Variants in PHF24 observed in about 807,000 individuals in gnomAD.
The protein encoded by PHF24 is Galpha inhibitory interacting protein.
A neutral mutation model predicts 42.6 loss-of-function variants in PHF24; 25 were observed. The ratio of observed to expected loss-of-function variants is 0.59; its 90% CI spans 0.43 to 0.82. PHF24 has a LOEUF of 0.82. Ranked by LOEUF, PHF24 falls within the 40% of genes least tolerant of loss-of-function variation. The pLI, the probability that PHF24 is intolerant of heterozygous loss-of-function variation, is 0.00. For synonymous variants in PHF24, 185 were observed against 204.8 expected, an observed-to-expected ratio of 0.90 and a Z score of 0.83; for missense variants, 470 against 538.1, an observed-to-expected ratio of 0.87 and a Z score of 1.25.
the PHF24 span, among the ~76,000 whole-genome samples, chr9:34,932,386 C>T: frequency 6.6e-6 from 1 of 152,182 alleles, no homozygotes; most frequent in Non-Finnish European, 1.5e-5. Flanking sequence ...GGCAAATGGG[C>T]AGACTCGCAG....
At chr9:34,683,286 C>A in the PHF24 span, among the ~76,000 whole-genome samples, 2 of 152,256 alleles carry the variant, frequency 1.3e-5, no homozygotes, top group African/African-American at 4.8e-5. Flanking sequence ...GTCTCGAACT[C>A]CTGACCTCAG....
At chr9:34,882,654 A>G in the PHF24 span, among the ~76,000 whole-genome samples, 1 of 152,200 alleles carries the variant, frequency 6.6e-6, no homozygotes, top group Admixed American at 6.5e-5. Flanking sequence ...TCTAACTTAT[A>G]AGAGATGTGA....
chr9:34,701,962 C>A, the PHF24 span, among the ~76,000 whole-genome samples: 2 of 152,208 alleles, frequency 1.3e-5, no homozygotes. This position sits in a 1 kb window ranked among gnomAD's most constrained non-coding sequence, Gnocchi z 5.8. Flanking sequence ...GGAGGGTTCA[C>A]ATCACCTCTG....
chr9:34,767,180 G>T, the PHF24 span, among the ~76,000 whole-genome samples: 4 of 152,238 alleles, frequency 2.6e-5, no homozygotes, highest in Non-Finnish European at 4.4e-5. Flanking sequence ...GAGGCAGTCT[G>T]CCCGTTCTCA....
the PHF24 span, among the ~76,000 whole-genome samples, chr9:34,853,156 G>A: frequency 6.6e-6 from 1 of 152,126 alleles, no homozygotes; most frequent in Admixed American, 6.5e-5. Flanking sequence ...AGTTTATTGA[G>A]AGTTTTTAAC....
At chr9:34,727,123 T>C in the PHF24 span, 9 of 1,416,622 alleles carry the variant, frequency 6.4e-6, no homozygotes, top group Non-Finnish European at 8.3e-6. Context: ...TCTACCTGTC[T>C]GCTTTCCTTG....
the PHF24 span, chr9:34,922,520 A>G: frequency 9.3e-7 from 1 of 1,081,020 alleles, no homozygotes; most frequent in Non-Finnish European, 1.4e-6. Flanking sequence ...TATCATCACC[A>G]GCGGCAACCT....
At chr9:34,708,900 T>C in the PHF24 span, 1 of 165,358 alleles carries the variant, frequency 6.0e-6, no homozygotes, top group Non-Finnish European at 1.3e-5. Context: ...TTGGGGTAGA[T>C]GAGAACATAG....
the PHF24 span, among the ~76,000 whole-genome samples, chr9:34,691,854 G>A: frequency 6.6e-6 from 1 of 152,070 alleles, no homozygotes; most frequent in Non-Finnish European, 1.5e-5. Flanking sequence ...AGGCCTCTGG[G>A]GCTCAGCAAA....
rs546778820 is a variant in PHF24 at position 34,977,518 on chromosome 9, C to T, written c.1011-28C>T. 35 of 1,586,024 alleles carry T rather than the reference C, an allele frequency of 2.2e-5. No individual in the cohort carries two copies. The East Asian group carries it at 2.8e-4, about 12-fold the overall frequency. On this transcript the variant is annotated intron_variant, in intron 6 of 7. Coordinates refer to ENST00000242315, the Ensembl canonical transcript of PHF24. The stretch of plus-strand genomic sequence containing the variant: ...GGGGCAGGCATTTCACTATCCCACT[C>T]CTAACCACGTGTCCTCATGCCCAGC...
At chr9:34,792,547 G>C in the PHF24 span, among the ~76,000 whole-genome samples, 1 of 152,122 alleles carries the variant, frequency 6.6e-6, no homozygotes, top group African/African-American at 2.4e-5. Context: ...GTGCGTACCT[G>C]TAATCCCAGC....
chr9:34,685,710 A>AT, the PHF24 span, among the ~76,000 whole-genome samples: 1 of 152,132 alleles, frequency 6.6e-6, no homozygotes, highest in Non-Finnish European at 1.5e-5. Context: ...ATGATACCTC[A>AT]TGGGATCGTT....
the PHF24 span, among the ~76,000 whole-genome samples, chr9:34,722,248 C>T: frequency 1.3e-5 from 2 of 151,952 alleles, no homozygotes; most frequent in African/African-American, 2.4e-5. Context: ...GGCATTTTCT[C>T]GATGCATGCT....
chr9:34,756,593 CA>C, the PHF24 span, among the ~76,000 whole-genome samples: 2 of 152,120 alleles, frequency 1.3e-5, no homozygotes, highest in Non-Finnish European at 2.9e-5. Context: ...ATGGTAGTGC[CA>C]TGCTGTTTTG....
the PHF24 span, chr9:34,838,419 A>G: frequency 3.1e-6 from 4 of 1,281,250 alleles, no homozygotes; most frequent in Non-Finnish European, 4.4e-6. Context: ...AGATAATTAC[A>G]ATAACGATGA....
At chr9:34,886,499 C>A in the PHF24 span, among the ~76,000 whole-genome samples, 32 of 152,306 alleles carry the variant, frequency 2.1e-4, 1 homozygote, top group South Asian at 6.4e-3. Context: ...GACTGATTGG[C>A]AACTTGTCAT....
chr9:34,826,631 A>G, the PHF24 span, among the ~76,000 whole-genome samples: 18 of 152,126 alleles, frequency 1.2e-4, no homozygotes, highest in African/African-American at 4.3e-4. Context: ...TGGAGAAGCC[A>G]CCCTCCTCCC....
At chr9:34,915,026 C>CTTTTT in the PHF24 span, among the ~76,000 whole-genome samples, 240 of 37,392 alleles carry the variant, frequency 6.4e-3, no homozygotes, top group East Asian at 9.5e-3. Flanking sequence ...TTTTTCTTTT[C>CTTTTT]TTTTTTTTTT....
At chr9:34,976,111 T>C in intron 3 of PHF24, 41 bp from the exon 4 acceptor site, 1 of 1,447,220 alleles carries the variant, frequency 6.9e-7, no homozygotes, top group Non-Finnish European at 9.7e-7. Flanking sequence ...CCTTTCTTAC[T>C]GGCCTGTATG....
Sources: allele counts gnomAD v4.1 joint callset (sites outside exome capture counted in the v4.1 genomes callset), GRCh38; gene constraint gnomAD v4.1.1; non-coding constraint Gnocchi (gnomAD v3.1); transcripts MANE v1.5; gene names NCBI Gene and HGNC (gene_info 2026-07-23, HGNC 2026-07-21).